Variants in MAGI1 observed in about 807,000 individuals in gnomAD.
MAGI1 encodes membrane associated guanylate kinase, WW and PDZ domain containing 1, also known as membrane-associated guanylate kinase, WW and PDZ domain-containing protein 1.
MAGI1 carries 58 observed loss-of-function variants against 139.9 expected under a neutral mutation model. The ratio of observed to expected loss-of-function variants is 0.41; its 90% CI spans 0.34 to 0.52. The LOEUF (loss-of-function observed/expected upper bound fraction) is 0.52. Among genes scored for constraint, MAGI1 ranks in the 20% least tolerant of loss-of-function variants. MAGI1 has a pLI of 0.12. For missense variants in MAGI1, 1,874 were observed against 1,901.6 expected (o/e 0.99, Z 0.27); for synonymous variants, 812 against 737.9 (o/e 1.10, Z -1.63).
intron 1 of MAGI1, among the ~76,000 whole-genome samples, chr3:65,891,941 TAC>T (rs2060787832): frequency 9.7e-6 from 1 of 103,442 alleles, no homozygotes; most frequent in Admixed American, 1.1e-4. Context: ...TATATATATA[TAC>T]CCGTGTTGCT....
At chr3:65,873,762 TCA>T (rs1454485596) in intron 1 of MAGI1, 9 of 152,090 alleles carry the variant, frequency 5.9e-5, no homozygotes, top group Non-Finnish European at 1.2e-4. Flanking sequence ...TGGGAAAACT[TCA>T]CATCCACATG....
intron 1 of MAGI1, among the ~76,000 whole-genome samples, chr3:65,898,683 C>A (rs931783604): frequency 2.6e-5 from 4 of 152,000 alleles, no homozygotes; most frequent in African/African-American, 9.7e-5. Context: ...ATGACAGCAA[C>A]CAAAGGCAAA....
chr3:65,931,003 T>A (rs2062781259), intron 1 of MAGI1, among the ~76,000 whole-genome samples: 2 of 151,942 alleles, frequency 1.3e-5, no homozygotes, highest in African/African-American at 4.8e-5. Flanking sequence ...CTGCTCTGCC[T>A]ACGAAGTAGC....
In MAGI1 at chr3:65,722,727, T is replaced by TGATAAATAAATCATAAAA. The variant is rs1265669173; in HGVS notation, c.314-100640_314-100639insTTTTATGATTTATTTATC. 7.3e-3 allele frequency among the ~76,000 whole-genome samples: 1,109 copies of TGATAAATAAATCATAAAA among 152,288 alleles called. 19 individuals carry two copies. The highest frequency in any genetic ancestry group is 0.026 in the African/African-American group (1,064 of 41,558). On this transcript the variant is annotated intron_variant, in intron 1 of 22. Transcript: ENST00000402939. ...TAAATTTTATCTAAATCATAAAATA[T>TGATAAATAAATCATAAAA]TAGTGTGACATGAAAGCCTCAAGAA...
Position 65,356,731 on chromosome 3 carries a change from T to C in MAGI1, c.4036A>G (p.Arg1346Gly), listed in dbSNP as rs766282453. ...CTCCGCTCCGGAGAGACGTCTCGTC[T>C]CTTCTCGTGCTTCTCCCTCCTCTCC... Reference protein sequence around the residue: ...TLERREKHEKRRDVSPERRRE... With the variant: ...TLERREKHEKGRDVSPERRRE... The change falls in exon 23 of 23, where the codon AGA becomes GGA. Residue 1346 changes from arginine (R) to glycine (G), a missense_variant. Arg to Gly is a moderately radical substitution (Grantham distance 125). Around this residue, in one of 5 missense-constraint regions of MAGI1, gnomAD observed 653 missense variants for 644.5 expected, o/e 1.01. Coordinates refer to ENST00000402939, the MANE Select transcript of MAGI1 (RefSeq NM_001033057.2). 3.1e-6 allele frequency: 5 copies of C among 1,594,388 alleles called. No homozygotes were observed. Among genetic ancestry groups the C allele is most frequent in the Middle Eastern group, 1.7e-4 (1 of 5,922 alleles).
At chr3:65,826,950 CTCA>C (rs2042261250) in intron 1 of MAGI1, among the ~76,000 whole-genome samples, 1 of 151,978 alleles carries the variant, frequency 6.6e-6, no homozygotes, top group African/African-American at 2.4e-5. Context: ...TCAGTTTCTC[CTCA>C]TATTACCTGA....
At chr3:65,720,792 C>A (rs2107686309) in intron 1 of MAGI1, among the ~76,000 whole-genome samples, 1 of 152,084 alleles carries the variant, frequency 6.6e-6, no homozygotes, top group Non-Finnish European at 1.5e-5. Flanking sequence ...CTCTGTTGCC[C>A]AGGCTGGAGT....
intron 1 of MAGI1, among the ~76,000 whole-genome samples, chr3:65,912,726 G>C (rs1350781355): frequency 1.3e-5 from 2 of 152,072 alleles, no homozygotes; most frequent in African/African-American, 4.8e-5. Flanking sequence ...ATTATTATGA[G>C]AATCAAAAGA....
intron 1 of MAGI1, among the ~76,000 whole-genome samples, chr3:65,648,316 T>TGTGTGCGC (rs71102873): frequency 2.8e-5 from 4 of 143,036 alleles, no homozygotes; most frequent in African/African-American, 1.0e-4. Context: ...TGTGTGTGTG[T>TGTGTGCGC]GCGCGTGCGC....
chr3:65,783,889 G>A (rs1024301546), intron 1 of MAGI1, among the ~76,000 whole-genome samples: 1 of 152,018 alleles, frequency 6.6e-6, no homozygotes, highest in Non-Finnish European at 1.5e-5. Flanking sequence ...TTGGGAGGCC[G>A]AGGCAGATGG....
chr3:65,783,172 C>A, intron 1 of MAGI1, among the ~76,000 whole-genome samples: 1 of 149,240 alleles, frequency 6.7e-6, no homozygotes. Flanking sequence ...AAAAAAACAA[C>A]TCTTACAATT....
intron 1 of MAGI1, among the ~76,000 whole-genome samples, chr3:65,968,664 C>T (rs1013894957): frequency 1.3e-5 from 2 of 151,518 alleles, no homozygotes; most frequent in Admixed American, 6.6e-5. Flanking sequence ...TACTTGTATA[C>T]GTATAAACAA....
At chr3:65,553,394 T>C (rs1446943238) in intron 2 of MAGI1, among the ~76,000 whole-genome samples, 1 of 152,144 alleles carries the variant, frequency 6.6e-6, no homozygotes, top group Non-Finnish European at 1.5e-5. Context: ...TTAAACAGAA[T>C]GAATTCAGTT....
intron 1 of MAGI1, among the ~76,000 whole-genome samples, chr3:65,969,587 G>C (rs957928164): frequency 2.6e-5 from 4 of 152,158 alleles, no homozygotes; most frequent in South Asian, 4.1e-4. Flanking sequence ...TGAATAACTA[G>C]AGCACGCTTG....
Position 66,038,044 on chromosome 3 carries a change from C to T in MAGI1, c.265G>A (p.Val89Ile). 2 of 1,610,262 alleles carry T rather than the reference C, an allele frequency of 1.2e-6. No homozygotes were observed. The highest frequency in any genetic ancestry group is 1.7e-6 in the Non-Finnish European group (2 of 1,178,122). ...ACGGCCTCCTTGCAGCTGTCGATGACCCCCAGCACGTCATAGCGGGGCAAG... is the reference window on the plus strand; with the variant it reads ...ACGGCCTCCTTGCAGCTGTCGATGATCCCCAGCACGTCATAGCGGGGCAAG... ...SGLPRYDVLG[V>I]IDSCKEAVTF... The change falls in exon 1 of 23, where the codon GTC (valine) becomes ATC (isoleucine). Residue 89 changes from valine to isoleucine, a missense_variant. Coordinates refer to ENST00000402939, the MANE Select transcript of MAGI1 (RefSeq NM_001033057.2).
At chr3:65,683,786 T>C (rs1423994690) in intron 1 of MAGI1, among the ~76,000 whole-genome samples, 1 of 151,438 alleles carries the variant, frequency 6.6e-6, no homozygotes, top group Non-Finnish European at 1.5e-5. Context: ...GAAATGAAAA[T>C]ATTGACGCCA....
chr3:65,471,900 A>G (rs1006234969), intron 4 of MAGI1, among the ~76,000 whole-genome samples: 1 of 152,118 alleles, frequency 6.6e-6, no homozygotes, highest in East Asian at 1.9e-4. Flanking sequence ...CATCTTGACA[A>G]AGCTTGACAT....
intron 1 of MAGI1, among the ~76,000 whole-genome samples, chr3:65,716,153 G>C (rs1024764795): frequency 2.6e-5 from 4 of 152,200 alleles, no homozygotes; most frequent in African/African-American, 9.6e-5. Context: ...TGATGTATTA[G>C]ACACCATCTT....
intron 1 of MAGI1, among the ~76,000 whole-genome samples, chr3:65,763,055 C>T (rs2037165404): frequency 6.6e-6 from 1 of 152,162 alleles, no homozygotes; most frequent in African/African-American, 2.4e-5. Context: ...AAGGGGATAT[C>T]TGCAGTGCAA....
Sources: allele counts gnomAD v4.1 joint callset (sites outside exome capture counted in the v4.1 genomes callset), GRCh38; gene constraint gnomAD v4.1.1; regional missense constraint gnomAD v4.1.1; transcripts MANE v1.5; gene names NCBI Gene and HGNC (gene_info 2026-07-23, HGNC 2026-07-21).